FMN1: variants seen among roughly 807,000 people sequenced by gnomAD.
FMN1 encodes formin-1.
Under a neutral mutation model 132.4 loss-of-function variants are expected in FMN1, and 110 were observed. The ratio of observed to expected loss-of-function variants is 0.83; its 90% CI spans 0.71 to 0.97. The LOEUF is 0.97. Among genes scored for constraint, FMN1 ranks in the 50% least tolerant of loss-of-function variants. The pLI, the probability that FMN1 is intolerant of heterozygous loss-of-function variation, is 0.00. For synonymous variants in FMN1, 722 were observed against 651.7 expected (o/e 1.11, Z -1.64); for missense variants, 1,792 against 1,705.3 (o/e 1.05, Z -0.90).
At chr15:33,166,442 T>C (rs1233549065) in intron 3 of FMN1, among the ~76,000 whole-genome samples, 2 of 152,098 alleles carry the variant, frequency 1.3e-5, no homozygotes, top group Non-Finnish European at 2.9e-5. Flanking sequence ...GGACTTAAAA[T>C]ACAATATAGT....
chr15:32,769,805 T>C lies in FMN1; in HGVS notation c.*4505A>G, dbSNP rs1254081134. 4 of 152,242 alleles carry C rather than the reference T, an allele frequency of 2.6e-5. No homozygotes were observed. Among genetic ancestry groups the C allele is most frequent in the African/African-American group, 7.2e-5 (3 of 41,450 alleles). 9.4% of individuals were successfully genotyped at this position (152,242 alleles called of 1,614,324 possible). ...AGACATGAATGAAAGTTCACTTCTTTATTCTCTCCACTCTCTTCAGTTGTA... is the reference window on the plus strand; with the variant it reads ...AGACATGAATGAAAGTTCACTTCTTCATTCTCTCCACTCTCTTCAGTTGTA... On this transcript the variant is annotated 3_prime_UTR_variant, in exon 21 of 21. Coordinates refer to ENST00000616417, the MANE Select transcript of FMN1 (RefSeq NM_001277313.2).
chr15:32,799,047 C>T, intron 18 of FMN1, 94 bp from the exon 19 acceptor site: 1 of 1,031,536 alleles, frequency 9.7e-7, no homozygotes, highest in Non-Finnish European at 1.4e-6. Context: ...GGCAGTTTCT[C>T]TTGTGTTTAT....
At chr15:32,919,789 G>C (rs895690980) in intron 10 of FMN1, among the ~76,000 whole-genome samples, 1 of 152,074 alleles carries the variant, frequency 6.6e-6, no homozygotes, top group South Asian at 2.1e-4. Flanking sequence ...TCAGATGCCT[G>C]GTCAAATTCA....
chr15:33,114,934 G>C (rs1251601258), intron 4 of FMN1, among the ~76,000 whole-genome samples: 2 of 152,080 alleles, frequency 1.3e-5, no homozygotes, highest in African/African-American at 2.4e-5. Flanking sequence ...TAACTGAAAA[G>C]TTTAGGGGTC....
At chr15:32,999,270 T>C (rs958505032) in intron 7 of FMN1, among the ~76,000 whole-genome samples, 1 of 152,212 alleles carries the variant, frequency 6.6e-6, no homozygotes, top group African/African-American at 2.4e-5. Context: ...ATTGTGTTGA[T>C]AATGAAGAAT....
chr15:32,955,683 TTCTCTC>T, intron 9 of FMN1, among the ~76,000 whole-genome samples: 1 of 152,148 alleles, frequency 6.6e-6, no homozygotes, highest in Non-Finnish European at 1.5e-5. Context: ...TTTAGAATGG[TTCTCTC>T]ATAGCATATC....
At chr15:32,996,560 G>T (rs921521251) in intron 7 of FMN1, among the ~76,000 whole-genome samples, 1 of 152,008 alleles carries the variant, frequency 6.6e-6, no homozygotes, top group Admixed American at 6.6e-5. Flanking sequence ...AGGGTAAGAG[G>T]GCCACCTCAT....
intron 10 of FMN1, among the ~76,000 whole-genome samples, chr15:32,914,940 A>C (rs12905485): frequency 0.25 from 38,663 of 152,198 alleles, 5,233 homozygotes; most frequent in Non-Finnish European, 0.31. Context: ...AAGTAGATAA[A>C]CAGATGAACT....
At chr15:32,939,910 A>G (rs1298671254) in intron 9 of FMN1, among the ~76,000 whole-genome samples, 1 of 152,168 alleles carries the variant, frequency 6.6e-6, no homozygotes, top group Non-Finnish European at 1.5e-5. Context: ...AATTTAATAT[A>G]TATATTTACA....
At chr15:32,991,289 A>T (rs1475847512) in intron 7 of FMN1, among the ~76,000 whole-genome samples, 1 of 152,064 alleles carries the variant, frequency 6.6e-6, no homozygotes, top group East Asian at 1.9e-4. Context: ...TCATCAACTT[A>T]TTCCTTCTGG....
At chr15:33,044,291 G>A (rs1198403541) in intron 6 of FMN1, among the ~76,000 whole-genome samples, 1 of 152,218 alleles carries the variant, frequency 6.6e-6, no homozygotes, top group Non-Finnish European at 1.5e-5. Flanking sequence ...GTGAAAAGGG[G>A]TAGGTCCCTA....
intron 6 of FMN1, among the ~76,000 whole-genome samples, chr15:33,044,588 C>G (rs2036591235): frequency 6.6e-6 from 1 of 152,142 alleles, no homozygotes; most frequent in South Asian, 2.1e-4. Context: ...CGGAGAGGAA[C>G]TACTCACCCC....
intron 9 of FMN1, among the ~76,000 whole-genome samples, chr15:32,935,608 A>G (rs1417325904): frequency 6.6e-6 from 1 of 150,870 alleles, no homozygotes; most frequent in African/African-American, 2.4e-5. Context: ...ACGGTGTTCC[A>G]TACATCCCTT....
At chr15:33,026,410 T>TCTCACACA (rs1555384314) in intron 6 of FMN1, among the ~76,000 whole-genome samples, 1 of 140,116 alleles carries the variant, frequency 7.1e-6, no homozygotes, top group African/African-American at 2.6e-5. Flanking sequence ...GTCCAAATTT[T>TCTCACACA]CACACACACA....
At chr15:33,047,637 T>A (rs1397894544) in intron 6 of FMN1, among the ~76,000 whole-genome samples, 2 of 152,120 alleles carry the variant, frequency 1.3e-5, no homozygotes, top group Admixed American at 6.6e-5. Context: ...TTTTGCATGG[T>A]GTTAGCTGAT....
chr15:33,115,954 G>T (rs1436546366), intron 4 of FMN1, among the ~76,000 whole-genome samples: 3 of 151,990 alleles, frequency 2.0e-5, no homozygotes, highest in Non-Finnish European at 4.4e-5. Flanking sequence ...ACACCTGCTT[G>T]CAATAATAGT....
At chr15:32,947,407 T>C (rs1349281871) in intron 9 of FMN1, among the ~76,000 whole-genome samples, 4 of 152,102 alleles carry the variant, frequency 2.6e-5, no homozygotes, top group Admixed American at 2.6e-4. Flanking sequence ...ATTACTGCCA[T>C]ACTATAGCCA....
At chr15:33,008,129 A>G in intron 6 of FMN1, 54 bp from the exon 7 acceptor site, 1 of 1,339,240 alleles carries the variant, frequency 7.5e-7, no homozygotes, top group East Asian at 2.5e-5. Flanking sequence ...TAAGCACAAA[A>G]TTTATCTACT....
chr15:33,088,229 TA>T (rs908477350), intron 5 of FMN1, among the ~76,000 whole-genome samples: 22 of 151,832 alleles, frequency 1.4e-4, no homozygotes, highest in African/African-American at 4.8e-4. Context: ...TTAAAAAATT[TA>T]AAAAAAACTG....
Sources: gnomAD v4.1 joint callset for allele counts (sites outside exome capture counted in the v4.1 genomes callset) on GRCh38, gnomAD v4.1.1 for gene constraint, MANE v1.5 for transcripts, NCBI Gene and HGNC (gene_info 2026-07-23, HGNC 2026-07-21) for gene names.